The following PTP4A1 variants were observed in gnomAD, a reference collection of about 807,000 sequenced individuals.
The protein encoded by PTP4A1 is protein tyrosine phosphatase type IVA 1.
Under a neutral mutation model 20.5 loss-of-function variants are expected in PTP4A1, and 9 were observed. That is an observed-to-expected ratio of 0.44 (90% CI 0.26 to 0.77). The LOEUF (loss-of-function observed/expected upper bound fraction) is 0.77. Among genes scored for constraint, PTP4A1 ranks in the 30% least tolerant of loss-of-function variants. The pLI is 0.19. For missense variants in PTP4A1, 137 were observed against 218.8 expected, an observed-to-expected ratio of 0.63 and a Z score of 2.36; for synonymous variants, 78 against 67.4, an observed-to-expected ratio of 1.16 and a Z score of -0.77.
upstream of PTP4A1, among the ~76,000 whole-genome samples, chr6:63,520,532 T>C (rs563918789): frequency 6.6e-6 from 1 of 151,764 alleles, no homozygotes; most frequent in Admixed American, 6.6e-5. Flanking sequence ...GAGGCTGAGG[T>C]AGGAGAATCA....
intron 1 of PTP4A1, among the ~76,000 whole-genome samples, chr6:63,522,612 G>T (rs985499538): frequency 1.3e-5 from 2 of 152,166 alleles, no homozygotes; most frequent in East Asian, 1.9e-4. Context: ...TTAGTTAAAA[G>T]AACACAATAG....
intron 3 of PTP4A1, among the ~76,000 whole-genome samples, chr6:63,556,216 G>T (rs1304066309): frequency 6.6e-6 from 1 of 151,814 alleles, no homozygotes; most frequent in Non-Finnish European, 1.5e-5. Context: ...CTTTGTTGCA[G>T]TGCCACAATC....
intron 1 of PTP4A1, among the ~76,000 whole-genome samples, chr6:63,525,174 A>C (rs562930893): frequency 2.2e-4 from 33 of 152,332 alleles, no homozygotes; most frequent in African/African-American, 7.5e-4. Flanking sequence ...TCTGGTACAG[A>C]TTTCAAAATT....
In PTP4A1 at chr6:63,525,963, A is replaced by G. The variant is rs1183168525; in HGVS notation, c.-905-1856A>G. Among the ~76,000 whole-genome samples, 4 of 152,082 alleles carry G rather than the reference A, an allele frequency of 2.6e-5. No homozygotes were observed. The East Asian group carries it at 7.7e-4, about 29-fold the overall frequency. ...TCTCTTCCAATTGTCAATTGTTTAA[A>G]CCTTCTTTCGGTACCAGTATACAAA... On this transcript the variant is annotated intron_variant, in intron 1 of 3. Transcript: ENST00000639568.
At chr6:63,573,889 A>G (rs1777671650) in intron 1 of PTP4A1, among the ~76,000 whole-genome samples, 1 of 152,126 alleles carries the variant, frequency 6.6e-6, no homozygotes. Flanking sequence ...GCGCCTTTTA[A>G]TCGGGGACTG....
intron 2 of PTP4A1, among the ~76,000 whole-genome samples, chr6:63,538,664 T>C (rs1026394829): frequency 6.6e-6 from 1 of 152,310 alleles, no homozygotes; most frequent in East Asian, 1.9e-4. Context: ...TTTTTTAAGA[T>C]AGCATGAAAA....
chr6:63,525,874 C>T (rs1338386479), intron 1 of PTP4A1, among the ~76,000 whole-genome samples: 1 of 152,130 alleles, frequency 6.6e-6, no homozygotes, highest in Non-Finnish European at 1.5e-5. Context: ...CTGACTGATA[C>T]AAATGTTAAT....
chr6:63,543,876 C>T (rs1442944570), intron 2 of PTP4A1, among the ~76,000 whole-genome samples: 1 of 152,148 alleles, frequency 6.6e-6, no homozygotes, highest in Non-Finnish European at 1.5e-5. Flanking sequence ...TTTTACTCTT[C>T]GTGTTTATTT....
rs1283387528 is a variant in PTP4A1, at chr6:63,581,495, AGAC to A, written c.*1322_*1324del. On this transcript the variant is annotated 3_prime_UTR_variant, in exon 6 of 6. Transcript: ENST00000626021. ...GCTTAAAATTAACTTATTTTGTAGAAGACAAAATGAATTGCACTTCACTTAATG... is the reference window on the plus strand; with the variant it reads ...GCTTAAAATTAACTTATTTTGTAGAAAAAATGAATTGCACTTCACTTAATG... 1 of 152,532 alleles carries A rather than the reference AGAC, an allele frequency of 6.6e-6. No individual in the cohort carries two copies. The highest frequency in any genetic ancestry group is 1.5e-5 in the Non-Finnish European group (1 of 67,990). The allele number at this position is 152,532 out of a possible 1,614,324, so 9.4% of individuals were successfully genotyped here. A position where few individuals can be genotyped will look rare whatever the true frequency, so the allele number is the denominator to read the frequency against.
intron 2 of PTP4A1, among the ~76,000 whole-genome samples, chr6:63,538,395 T>C (rs1273761573): frequency 6.6e-6 from 1 of 152,210 alleles, no homozygotes; most frequent in Non-Finnish European, 1.5e-5. Flanking sequence ...GACTGAATGA[T>C]TTAGCAATTG....
chr6:63,540,476 C>T (rs1775913124), intron 2 of PTP4A1, among the ~76,000 whole-genome samples: 1 of 151,666 alleles, frequency 6.6e-6, no homozygotes, highest in South Asian at 2.1e-4. Flanking sequence ...CAAAAATTAG[C>T]CGGGTGTGGT....
chr6:63,574,772 CAG>C (rs1464706988), intron 1 of PTP4A1, among the ~76,000 whole-genome samples: 3 of 152,102 alleles, frequency 2.0e-5, no homozygotes, highest in African/African-American at 7.2e-5. Flanking sequence ...GGGAAAGTGT[CAG>C]AATACACTTT....
At chr6:63,537,229 C>A (rs1468918697) in intron 2 of PTP4A1, among the ~76,000 whole-genome samples, 3 of 152,116 alleles carry the variant, frequency 2.0e-5, no homozygotes, top group African/African-American at 7.2e-5. Flanking sequence ...AATGTGGTTC[C>A]TGGACCAATA....
At chr6:63,519,565 T>C (rs543132477), upstream of PTP4A1, among the ~76,000 whole-genome samples, 22 of 152,320 alleles carry the variant, frequency 1.4e-4, no homozygotes, top group African/African-American at 5.3e-4. Context: ...ACACCACATA[T>C]GCCAAGTTTG....
intron 2 of PTP4A1, among the ~76,000 whole-genome samples, chr6:63,537,085 A>C (rs778437538): frequency 6.6e-5 from 10 of 152,142 alleles, no homozygotes; most frequent in Non-Finnish European, 1.2e-4. Context: ...TATTTTTAGA[A>C]ACTAAAGTGA....
intron 3 of PTP4A1, among the ~76,000 whole-genome samples, chr6:63,567,305 A>G (rs1474019063): frequency 2.0e-5 from 3 of 152,224 alleles, no homozygotes; most frequent in Non-Finnish European, 4.4e-5. Flanking sequence ...TATGAAATGT[A>G]CTTGTTAAAT....
chr6:63,546,784 A>C (rs1473402857), intron 2 of PTP4A1, among the ~76,000 whole-genome samples: 1 of 152,198 alleles, frequency 6.6e-6, no homozygotes, highest in African/African-American at 2.4e-5. Flanking sequence ...TAGTGACTAT[A>C]GTTAATAATA....
intron 2 of PTP4A1, chr6:63,549,055 C>T (rs1432724346): frequency 1.4e-6 from 1 of 720,806 alleles, no homozygotes; most frequent in Non-Finnish European, 2.5e-6. Context: ...ACCGGCTGAG[C>T]TTTCTTATTC....
chr6:63,551,022 GT>G (rs533613028), intron 3 of PTP4A1, among the ~76,000 whole-genome samples: 8 of 151,664 alleles, frequency 5.3e-5, no homozygotes, highest in African/African-American at 1.2e-4. Context: ...ATGTTGATAG[GT>G]TTTTTTTATT....
Sources: allele counts gnomAD v4.1 joint callset (sites outside exome capture counted in the v4.1 genomes callset), GRCh38; gene constraint gnomAD v4.1.1; transcripts MANE v1.5; gene names NCBI Gene and HGNC (gene_info 2026-07-23, HGNC 2026-07-21).